The following DOCK3 variants were observed in gnomAD, a reference collection of about 807,000 sequenced individuals.
The protein encoded by DOCK3 is dedicator of cytokinesis protein 3.
A neutral mutation model predicts 265.6 loss-of-function variants in DOCK3; 60 were observed. The observed-to-expected ratio is 0.23, with a 90% CI of 0.18 to 0.28. The LOEUF is 0.28. Ranked by LOEUF, DOCK3 falls within the 10% of genes least tolerant of loss-of-function variation. The probability of loss-of-function intolerance (pLI) is 1.00; values close to 1 mark genes in which losing one functional copy is unlikely to be tolerated. For synonymous variants in DOCK3, 881 were observed against 938.0 expected, an observed-to-expected ratio of 0.94 and a Z score of 1.11; for missense variants, 1,981 against 2,594.3, an observed-to-expected ratio of 0.76 and a Z score of 5.14.
At chr3:51,012,249 G>A (rs1468998787) in intron 5 of DOCK3, among the ~76,000 whole-genome samples, 1 of 152,176 alleles carries the variant, frequency 6.6e-6, no homozygotes, top group African/African-American at 2.4e-5. Flanking sequence ...CCACAGAGGT[G>A]GAGTCTACAG....
In DOCK3 at chr3:51,096,808, C is replaced by T. The variant is rs576936882; in HGVS notation, c.746+6424C>T. Among the ~76,000 whole-genome samples, 9 of 152,294 alleles carry T rather than the reference C, an allele frequency of 5.9e-5. No individual in the cohort carries two copies. In the South Asian group the frequency reaches 1.5e-3, roughly 25 times the overall value. On this transcript the variant is annotated intron_variant, in intron 9 of 52. Transcript: ENST00000266037. ...TACCTTTGATCTTTGATGTTGGTGA[C>T]CTCCGGATAGGGTTTCTGTGTGGAC... is the stretch of plus-strand genomic sequence containing the variant.
At chr3:51,005,543 A>G (rs754283546) in intron 5 of DOCK3, among the ~76,000 whole-genome samples, 13 of 152,188 alleles carry the variant, frequency 8.5e-5, no homozygotes, top group Non-Finnish European at 1.5e-5. Flanking sequence ...GCTCCCAAAC[A>G]AAATTCCATA....
chr3:50,947,280 TATA>T (rs1362303609), intron 5 of DOCK3, among the ~76,000 whole-genome samples: 2 of 152,158 alleles, frequency 1.3e-5, no homozygotes, highest in Non-Finnish European at 1.5e-5. Context: ...ATAGTCAACT[TATA>T]ATAGTTTGAA....
At chr3:51,230,717 A>G (rs2090509561) in intron 19 of DOCK3, among the ~76,000 whole-genome samples, 1 of 152,118 alleles carries the variant, frequency 6.6e-6, no homozygotes, top group Admixed American at 6.6e-5. Context: ...AGATTTCACC[A>G]TGTTGGCCAG....
Position 51,357,851 on chromosome 3 carries a change from G to C in DOCK3, c.4767+10G>C, listed in dbSNP as rs1013593478. On this transcript the variant is annotated intron_variant, in intron 45 of 52. Coordinates refer to ENST00000266037, the MANE Select transcript of DOCK3 (RefSeq NM_004947.5). ...GCTTATGCAGGAGCAGGTATGTCTT[G>C]GAGGGCTTGGGAACCAGCAGCCAGG... The C allele has an allele frequency of 1.9e-6, 3 of 1,614,006 alleles. No individual in the cohort carries two copies. The highest frequency in any genetic ancestry group is 2.5e-6 in the Non-Finnish European group (3 of 1,179,882).
At chr3:51,053,076 A>AG (rs1559993850) in intron 5 of DOCK3, among the ~76,000 whole-genome samples, 14 of 34,570 alleles carry the variant, frequency 4.0e-4, no homozygotes, top group Non-Finnish European at 7.8e-4. Context: ...AAAAAAGTCA[A>AG]AGATATATAT....
intron 5 of DOCK3, among the ~76,000 whole-genome samples, chr3:51,042,797 C>T (rs1575857549): frequency 6.6e-6 from 1 of 152,110 alleles, no homozygotes. Flanking sequence ...TATAGATCAA[C>T]AGTAGTAGAG....
chr3:50,738,109 C>A (rs1207074918), intron 1 of DOCK3, among the ~76,000 whole-genome samples: 1 of 152,166 alleles, frequency 6.6e-6, no homozygotes, highest in Non-Finnish European at 1.5e-5. Flanking sequence ...GTTCTGCAGG[C>A]AGGCTTGATG....
chr3:50,700,453 G>A (rs1270322541), intron 1 of DOCK3, among the ~76,000 whole-genome samples: 2 of 152,034 alleles, frequency 1.3e-5, no homozygotes, highest in Admixed American at 1.3e-4. Flanking sequence ...TCCAGCCTTT[G>A]GTAACCATCA....
chr3:50,794,306 G>A (rs1488026795), intron 2 of DOCK3, among the ~76,000 whole-genome samples: 2 of 152,176 alleles, frequency 1.3e-5, no homozygotes, highest in Non-Finnish European at 2.9e-5. Context: ...CTGCCTTGAT[G>A]ATCTATTGAA....
chr3:51,370,724 A>C (rs368258257), intron 49 of DOCK3, among the ~76,000 whole-genome samples: 1 of 152,366 alleles, frequency 6.6e-6, no homozygotes, highest in African/African-American at 2.4e-5. Context: ...CTGTTGCTGC[A>C]TAATAAGCCA....
At chr3:50,836,027 T>G (rs2045488139) in intron 2 of DOCK3, among the ~76,000 whole-genome samples, 2 of 152,212 alleles carry the variant, frequency 1.3e-5, no homozygotes, top group African/African-American at 4.8e-5. Flanking sequence ...ATATTTTGTT[T>G]ATTACACACC....
intron 9 of DOCK3, among the ~76,000 whole-genome samples, chr3:51,118,313 G>C (rs531700054): frequency 7.9e-5 from 12 of 152,280 alleles, no homozygotes; most frequent in African/African-American, 2.9e-4. Context: ...TTGCACTGTA[G>C]ACTGAGATAC....
intron 1 of DOCK3, among the ~76,000 whole-genome samples, chr3:50,678,301 T>C (rs1337410464): frequency 6.6e-6 from 1 of 152,178 alleles, no homozygotes. Context: ...TCCTGCATCC[T>C]TCCATTCTTT....
chr3:51,328,097 A>G lies in DOCK3; in HGVS notation c.3403-2041A>G, dbSNP rs146921947. Among the ~76,000 whole-genome samples the G allele has an allele frequency of 8.8e-4, 134 of 152,316 alleles. 1 individual carries two copies. The highest frequency in any genetic ancestry group is 2.7e-3 in the African/African-American group (111 of 41,574). ...TGCTCCCACCCTGAGTTTCTGATCC[A>G]ACAAACTAGAGGAGGCCTGAGAATT... On this transcript the variant is annotated intron_variant, in intron 32 of 52. Transcript: ENST00000266037.
intron 5 of DOCK3, among the ~76,000 whole-genome samples, chr3:51,059,220 G>T (rs1259759324): frequency 6.6e-6 from 1 of 152,072 alleles, no homozygotes; most frequent in African/African-American, 2.4e-5. Context: ...TTAGGATAAT[G>T]GCCTTGGGCC....
intron 2 of DOCK3, among the ~76,000 whole-genome samples, chr3:50,829,002 G>T (rs920522127): frequency 6.6e-6 from 1 of 152,104 alleles, no homozygotes; most frequent in African/African-American, 2.4e-5. Context: ...GTGAGCCACC[G>T]CGCCTGGACC....
At chr3:51,167,900 C>G (rs2086484949) in intron 12 of DOCK3, among the ~76,000 whole-genome samples, 1 of 152,130 alleles carries the variant, frequency 6.6e-6, no homozygotes, top group Admixed American at 6.6e-5. Flanking sequence ...GACAGTTGAA[C>G]TCCTTCACTT....
At chr3:51,148,922 A>G (rs1406093907) in intron 10 of DOCK3, among the ~76,000 whole-genome samples, 1 of 152,182 alleles carries the variant, frequency 6.6e-6, no homozygotes, top group Non-Finnish European at 1.5e-5. Context: ...GAATCTATAA[A>G]TTACCTTGGG....
Sources: gnomAD v4.1 joint callset for allele counts (sites outside exome capture counted in the v4.1 genomes callset) on GRCh38, gnomAD v4.1.1 for gene constraint, MANE v1.5 for transcripts, NCBI Gene and HGNC (gene_info 2026-07-23, HGNC 2026-07-21) for gene names.